The following ACBD6 variants were observed in gnomAD, a reference collection of about 807,000 sequenced individuals.
ACBD6 encodes acyl-CoA-binding domain-containing protein 6.
In ACBD6, 28 loss-of-function variants were observed where a neutral mutation model predicts 37.2. The ratio of observed to expected loss-of-function variants is 0.75; its 90% CI spans 0.56 to 1.03. ACBD6 has a LOEUF of 1.03. Ranked by LOEUF, ACBD6 falls within the 50% of genes least tolerant of loss-of-function variation. The pLI, the probability that ACBD6 is intolerant of heterozygous loss-of-function variation, is 0.00. For missense variants in ACBD6, 340 were observed against 337.4 expected (o/e 1.01, Z -0.06); for synonymous variants, 113 against 126.8 (o/e 0.89, Z 0.73).
rs558849929 is a variant in ACBD6 at position 180,306,917 on chromosome 1, T to A, written c.694+7775A>T. On this transcript the variant is annotated intron_variant, in intron 7 of 7. Transcript: ENST00000367595. ...TGTACACCATTGGTGGGAATGTAAA[T>A]TAGTACAATCACTATGGAGAACAGT... 4.6e-5 allele frequency among the ~76,000 whole-genome samples: 7 copies of A among 152,266 alleles called. No individual in the cohort carries two copies. The South Asian group carries it at 1.5e-3, about 32-fold the overall frequency.
rs999671751 is a variant in ACBD6 at position 180,411,889 on chromosome 1, C to A, written c.573+1477G>T. ...ATCTCACTATGTTGGCCAGGCTGGT[C>A]TCAAGCTCCTGGCCTCGTGATCTGC... On this transcript the variant is annotated intron_variant, in intron 5 of 7. Coordinates refer to ENST00000367595, the MANE Select transcript of ACBD6 (RefSeq NM_032360.4). Among the ~76,000 whole-genome samples, 3 of 152,150 alleles carry A rather than the reference C, an allele frequency of 2.0e-5. No homozygotes were observed. The South Asian group carries it at 6.2e-4, about 32-fold the overall frequency.
At chr1:180,451,752 G>T (rs1193061140) in intron 3 of ACBD6, among the ~76,000 whole-genome samples, 1 of 152,166 alleles carries the variant, frequency 6.6e-6, no homozygotes, top group African/African-American at 2.4e-5. Flanking sequence ...AAAGGGTATG[G>T]AGTTTCTTTT....
intron 4 of ACBD6, among the ~76,000 whole-genome samples, chr1:180,419,120 G>A (rs1460703384): frequency 6.6e-6 from 1 of 152,184 alleles, no homozygotes; most frequent in Non-Finnish European, 1.5e-5. Flanking sequence ...GCATGGTGGT[G>A]GGCGCCTGTA....
chr1:180,400,804 T>C (rs1381706158), intron 5 of ACBD6, among the ~76,000 whole-genome samples: 3 of 152,194 alleles, frequency 2.0e-5, no homozygotes, highest in Non-Finnish European at 4.4e-5. Flanking sequence ...TCCTTTCTCT[T>C]TGTTAACCAC....
At chr1:180,495,589 T>C (rs898807995) in intron 1 of ACBD6, 64 bp from the exon 2 acceptor site, 58 of 1,272,940 alleles carry the variant, frequency 4.6e-5, no homozygotes, top group Non-Finnish European at 6.3e-5. Flanking sequence ...ACTTTTCCTT[T>C]TCAAATGTAT....
intron 3 of ACBD6, chr1:180,435,542 T>C (rs1648999952): frequency 1.1e-5 from 9 of 852,926 alleles, no homozygotes; most frequent in East Asian, 2.5e-5. Context: ...TGAGCGACCA[T>C]GCCCAGCCTG....
At chr1:180,347,294 C>G (rs990879312) in intron 6 of ACBD6, among the ~76,000 whole-genome samples, 1 of 148,390 alleles carries the variant, frequency 6.7e-6, no homozygotes, top group Admixed American at 6.7e-5. Flanking sequence ...TACGGCTACA[C>G]ATTTTAGAAG....
intron 3 of ACBD6, among the ~76,000 whole-genome samples, chr1:180,482,370 C>T (rs1201287330): frequency 6.6e-6 from 1 of 152,086 alleles, no homozygotes. Flanking sequence ...GTTCTCCCAT[C>T]TATGCTATTT....
At chr1:180,394,644 A>G (rs1000732453) in intron 6 of ACBD6, among the ~76,000 whole-genome samples, 1 of 152,194 alleles carries the variant, frequency 6.6e-6, no homozygotes, top group Non-Finnish European at 1.5e-5. Flanking sequence ...ACAAGCCCCC[A>G]AGATAGACTG....
At chr1:180,347,173 T>C (rs1652215595) in intron 6 of ACBD6, among the ~76,000 whole-genome samples, 1 of 152,154 alleles carries the variant, frequency 6.6e-6, no homozygotes, top group Non-Finnish European at 1.5e-5. Flanking sequence ...TTGAAAGATA[T>C]ACATAAAGAG....
At chr1:180,452,500 T>TAAA (rs1423351823) in intron 3 of ACBD6, among the ~76,000 whole-genome samples, 5 of 150,660 alleles carry the variant, frequency 3.3e-5, no homozygotes, top group African/African-American at 1.2e-4. Flanking sequence ...ATAATAATAA[T>TAAA]AAAACCAACT....
At chr1:180,271,389 A>C (rs1648647086) in exon 14 of ACBD6, 1 of 1,614,086 alleles carries the variant, frequency 6.2e-7, no homozygotes, top group Non-Finnish European at 8.5e-7. Flanking sequence ...GATGACTCAG[A>C]GGCTGGAGCT....
chr1:180,319,907 G>A (rs1338488841), intron 6 of ACBD6, among the ~76,000 whole-genome samples: 2 of 152,280 alleles, frequency 1.3e-5, no homozygotes, highest in East Asian at 3.9e-4. Flanking sequence ...TTCGTTTGCT[G>A]ATGGACACTT....
intron 7 of ACBD6, among the ~76,000 whole-genome samples, chr1:180,295,858 AAATTAGGCC>A (rs1300219997): frequency 1.1e-4 from 16 of 152,120 alleles, no homozygotes; most frequent in Non-Finnish European, 2.9e-5. Context: ...AATAATATTG[AAATTAGGCC>A]AATAATCCTA....
intron 6 of ACBD6, among the ~76,000 whole-genome samples, chr1:180,343,190 G>A (rs1158343016): frequency 1.3e-5 from 2 of 151,890 alleles, no homozygotes; most frequent in African/African-American, 4.8e-5. Flanking sequence ...AAAAATTCAA[G>A]CATGCTTAAA....
intron 7 of ACBD6, among the ~76,000 whole-genome samples, chr1:180,301,552 T>A (rs1309935050): frequency 6.6e-6 from 1 of 152,196 alleles, no homozygotes; most frequent in Non-Finnish European, 1.5e-5. Flanking sequence ...CTGTTTGAAA[T>A]GGTGGCTACT....
intron 7 of ACBD6, among the ~76,000 whole-genome samples, chr1:180,301,073 A>G (rs975921462): frequency 2.0e-5 from 3 of 152,196 alleles, no homozygotes; most frequent in African/African-American, 7.2e-5. Flanking sequence ...TAGTTTTTCA[A>G]TTAAAAATGG....
downstream of ACBD6, among the ~76,000 whole-genome samples, chr1:180,284,554 T>C (rs1286729549): frequency 6.6e-6 from 1 of 151,810 alleles, no homozygotes; most frequent in Non-Finnish European, 1.5e-5. Flanking sequence ...CTGGTAGAGA[T>C]GGGGTTTTTC....
chr1:180,486,789 T>A (rs1651283444), intron 3 of ACBD6, among the ~76,000 whole-genome samples: 1 of 152,238 alleles, frequency 6.6e-6, no homozygotes, highest in East Asian at 1.9e-4. Flanking sequence ...TAAAGAAGTC[T>A]GGCAGACACC....
Sources: allele counts gnomAD v4.1 joint callset (sites outside exome capture counted in the v4.1 genomes callset), GRCh38; gene constraint gnomAD v4.1.1; transcripts MANE v1.5; gene names NCBI Gene and HGNC (gene_info 2026-07-23, HGNC 2026-07-21).